The following CA13 variants were observed in gnomAD, a reference collection of about 807,000 sequenced individuals.
CA13 encodes CA-XIII.
A neutral mutation model predicts 31.5 loss-of-function variants in CA13; 21 were observed. The observed-to-expected ratio is 0.67, with a 90% CI of 0.47 to 0.96. CA13 has a LOEUF of 0.96. CA13 is among the 40% of genes least tolerant of loss of function. CA13 has a pLI of 0.00. For missense variants in CA13, 315 were observed against 318.9 expected (o/e 0.99, Z 0.09); for synonymous variants, 117 against 111.4 (o/e 1.05, Z -0.32).
intron 1 of CA13, among the ~76,000 whole-genome samples, chr8:85,248,113 G>C (rs992339872): frequency 1.3e-5 from 2 of 152,188 alleles, no homozygotes; most frequent in Middle Eastern, 3.4e-3. Context: ...TATCACTGTA[G>C]GTATTTAAAA....
chr8:85,275,659 T>A lies in CA13; in HGVS notation c.670-5571T>A, dbSNP rs1807591932. Among the ~76,000 whole-genome samples the A allele has an allele frequency of 2.0e-5, 3 of 152,322 alleles. No individual in the cohort carries two copies. The East Asian group carries it at 5.8e-4, about 29-fold the overall frequency. On this transcript the variant is annotated intron_variant, in intron 6 of 6. Transcript: ENST00000321764. ...CTTTGTATCCTCTAGCACTTGAGTT[T>A]TTACTCCCCATTGTCCAATTGTGGT...
intron 6 of CA13, among the ~76,000 whole-genome samples, chr8:85,277,471 G>A (rs538173007): frequency 1.5e-4 from 23 of 152,234 alleles, no homozygotes; most frequent in Non-Finnish European, 3.1e-4. Context: ...CGGACATGCT[G>A]CGTTTAAGTA....
At position 85,245,819 on chromosome 8, in the gene CA13, C is replaced by G. The variant is rs771516314; in HGVS notation, c.-10C>G. ...GTCACATCTTTCTCTTCCTTCCACC[C>G]CGAGGGACCATGTCGAGGCTCAGCT... On this transcript the variant is annotated 5_prime_UTR_variant, in exon 1 of 7. Coordinates refer to ENST00000321764, the MANE Select transcript of CA13 (RefSeq NM_198584.3). 1.2e-6 allele frequency: 2 copies of G among 1,614,122 alleles called. No individual in the cohort carries two copies. Among genetic ancestry groups the G allele is most frequent in the East Asian group, 4.5e-5 (2 of 44,874 alleles).
intron 6 of CA13, among the ~76,000 whole-genome samples, chr8:85,275,504 C>G (rs941255417): frequency 5.9e-5 from 9 of 152,170 alleles, no homozygotes; most frequent in Non-Finnish European, 1.2e-4. Context: ...TCTCCTAGAT[C>G]TACAAACAGG....
intron 6 of CA13, 53 bp downstream of exon 6, chr8:85,268,680 T>C: frequency 1.2e-6 from 1 of 834,044 alleles, no homozygotes. Context: ...AACTGGGCTT[T>C]TTTTTTTTTT....
chr8:85,248,957 AT>A (rs1433230536), intron 1 of CA13, among the ~76,000 whole-genome samples: 1 of 152,240 alleles, frequency 6.6e-6, no homozygotes, highest in Non-Finnish European at 1.5e-5. Context: ...TCTAGGTTAT[AT>A]ATAGAAAAAG....
chr8:85,259,380 A>C (rs750107928), intron 2 of CA13, 41 bp from the exon 3 acceptor site: 1 of 1,522,226 alleles, frequency 6.6e-7, no homozygotes, highest in Admixed American at 1.7e-5. Flanking sequence ...TTATGTAAAT[A>C]TTTTTTCCTT....
At chr8:85,272,941 C>G (rs1207103668) in intron 6 of CA13, among the ~76,000 whole-genome samples, 1 of 152,190 alleles carries the variant, frequency 6.6e-6, no homozygotes, top group South Asian at 2.1e-4. Context: ...CCTCAGCCTC[C>G]TGAGTAGCTG....
At chr8:85,258,759 CAA>C (rs33933991) in intron 2 of CA13, among the ~76,000 whole-genome samples, 2,298 of 42,882 alleles carry the variant, frequency 0.054, 2 homozygotes, top group Non-Finnish European at 0.063. Context: ...CCTGTCTCTA[CAA>C]AAAAAAAAAA....
intron 3 of CA13, 76 bp from the exon 4 acceptor site, chr8:85,266,532 A>G (rs1807459552): frequency 8.9e-7 from 1 of 1,120,932 alleles, no homozygotes; most frequent in Non-Finnish European, 1.3e-6. Flanking sequence ...GAAAATTTGT[A>G]AATGTTTTAT....
At chr8:85,274,927 C>A (rs1807581249) in intron 6 of CA13, among the ~76,000 whole-genome samples, 1 of 152,148 alleles carries the variant, frequency 6.6e-6, no homozygotes, top group African/African-American at 2.4e-5. Context: ...GTGTTGCCTG[C>A]CTGCTTTGAA....
chr8:85,272,850 C>G (rs1807546688), intron 6 of CA13, among the ~76,000 whole-genome samples: 1 of 152,146 alleles, frequency 6.6e-6, no homozygotes, highest in African/African-American at 2.4e-5. Flanking sequence ...AGGAGTCTCG[C>G]TTTGTTGCCC....
At position 85,264,142 on chromosome 8, in the gene CA13, C is replaced by T. The variant is rs112278691; in HGVS notation, c.355-2466C>T. ...TACAAAACTAGGCTAATCGTCCATTCTGTGTTTGGAACTTTATCTAATGAA... is the reference window on the plus strand; with the variant it reads ...TACAAAACTAGGCTAATCGTCCATTTTGTGTTTGGAACTTTATCTAATGAA... On this transcript the variant is annotated intron_variant, in intron 3 of 6. Coordinates refer to ENST00000321764, the MANE Select transcript of CA13 (RefSeq NM_198584.3). Among the ~76,000 whole-genome samples, 1,355 of 152,260 alleles carry T rather than the reference C, an allele frequency of 8.9e-3. 24 individuals carry two copies. The highest frequency in any genetic ancestry group is 0.031 in the African/African-American group (1,298 of 41,542).
chr8:85,261,097 C>T (rs1342797475), intron 3 of CA13, among the ~76,000 whole-genome samples: 1 of 151,992 alleles, frequency 6.6e-6, no homozygotes, highest in Admixed American at 6.6e-5. Context: ...TGTTGTTCTG[C>T]AATAAATAAT....
Position 85,252,892 on chromosome 8 carries a change from A to G in CA13, c.235+1955A>G, listed in dbSNP as rs1446473673. Among the ~76,000 whole-genome samples, 6 of 152,116 alleles carry G rather than the reference A, an allele frequency of 3.9e-5. No individual in the cohort carries two copies. In the East Asian group the frequency reaches 1.2e-3, roughly 29 times the overall value. On this transcript the variant is annotated intron_variant, in intron 2 of 6. Coordinates refer to ENST00000321764, the MANE Select transcript of CA13 (RefSeq NM_198584.3). ...ATTGTTAGCAAAAATTATAAGCCCA[A>G]CCACATTTCTTCTTCATATTTGTCA... is the stretch of plus-strand genomic sequence containing the variant.
At chr8:85,271,612 G>A (rs1807527125) in intron 6 of CA13, among the ~76,000 whole-genome samples, 2 of 152,266 alleles carry the variant, frequency 1.3e-5, no homozygotes, top group South Asian at 4.1e-4. Context: ...TTACTTAGCT[G>A]AAATTCAATG....
At chr8:85,267,283 G>T (rs1807471807) in intron 4 of CA13, 1 of 985,820 alleles carries the variant, frequency 1.0e-6, no homozygotes, top group African/African-American at 1.7e-5. Flanking sequence ...ATGCTTCACG[G>T]ATGGCAACAA....
At chr8:85,275,812 G>T (rs1353944065) in intron 6 of CA13, among the ~76,000 whole-genome samples, 2 of 152,196 alleles carry the variant, frequency 1.3e-5, no homozygotes, top group Non-Finnish European at 2.9e-5. Flanking sequence ...TCCATAACAG[G>T]ATTTTTCTAT....
intron 6 of CA13, among the ~76,000 whole-genome samples, chr8:85,271,687 A>G (rs1442905903): frequency 2.0e-5 from 3 of 152,138 alleles, no homozygotes; most frequent in Admixed American, 6.5e-5. Context: ...TGTTTATTAT[A>G]TTTGCATGCA....
Sources: gnomAD v4.1 joint callset for allele counts (sites outside exome capture counted in the v4.1 genomes callset) on GRCh38, gnomAD v4.1.1 for gene constraint, MANE v1.5 for transcripts, NCBI Gene and HGNC (gene_info 2026-07-23, HGNC 2026-07-21) for gene names.